CDYL: variants seen among roughly 807,000 people sequenced by gnomAD.
The protein encoded by CDYL is chromodomain Y like, also known as chromodomain Y-like protein.
CDYL carries 8 observed loss-of-function variants against 47.3 expected under a neutral mutation model. That is an observed-to-expected ratio of 0.17 (90% confidence interval 0.10 to 0.31). The LOEUF is 0.31. Among genes scored for constraint, CDYL ranks in the 10% least tolerant of loss-of-function variants. CDYL has a pLI of 1.00. For synonymous variants in CDYL, 266 were observed against 265.0 expected (o/e 1.00, Z -0.04); for missense variants, 471 against 701.4 (o/e 0.67, Z 3.71).
At chr6:4,769,595 G>C (rs1172599664) in intron 3 of CDYL, among the ~76,000 whole-genome samples, 2 of 152,116 alleles carry the variant, frequency 1.3e-5, no homozygotes, top group Non-Finnish European at 2.9e-5. Context: ...TGGCTACTTA[G>C]TTTTAAAATA....
chr6:4,758,801 G>C (rs879415550), intron 3 of CDYL, among the ~76,000 whole-genome samples: 1 of 151,964 alleles, frequency 6.6e-6, no homozygotes, highest in Non-Finnish European at 1.5e-5. Flanking sequence ...TTTTTGTACG[G>C]TTGAAACTAT....
At chr6:4,760,949 T>C (rs1490732336) in intron 3 of CDYL, among the ~76,000 whole-genome samples, 1 of 152,094 alleles carries the variant, frequency 6.6e-6, no homozygotes, top group Non-Finnish European at 1.5e-5. Flanking sequence ...TCCTATTCCT[T>C]GTAGTGGAAA....
intron 2 of CDYL, among the ~76,000 whole-genome samples, chr6:4,898,954 A>C (rs956507606): frequency 6.6e-6 from 1 of 152,176 alleles, no homozygotes; most frequent in Non-Finnish European, 1.5e-5. Flanking sequence ...TCTTGTGTAA[A>C]GCATGCTCGT....
intron 1 of CDYL, among the ~76,000 whole-genome samples, chr6:4,849,450 G>T (rs1760755971): frequency 6.6e-6 from 1 of 152,148 alleles, no homozygotes; most frequent in Non-Finnish European, 1.5e-5. Flanking sequence ...AGACACTAAG[G>T]TCACTACTGA....
intron 1 of CDYL, among the ~76,000 whole-genome samples, chr6:4,829,310 C>G (rs1760068398): frequency 6.6e-6 from 1 of 152,096 alleles, no homozygotes; most frequent in Non-Finnish European, 1.5e-5. Flanking sequence ...AGACTGTATT[C>G]CTTATTGTTT....
chr6:4,747,980 A>G (rs1263018851), intron 3 of CDYL, among the ~76,000 whole-genome samples: 1 of 152,234 alleles, frequency 6.6e-6, no homozygotes, highest in Non-Finnish European at 1.5e-5. Context: ...CCTGTGCCTT[A>G]ACACAATGCT....
At chr6:4,904,726 A>T (rs192196532) in intron 2 of CDYL, among the ~76,000 whole-genome samples, 50 of 152,196 alleles carry the variant, frequency 3.3e-4, no homozygotes, top group African/African-American at 1.1e-3. Context: ...CTGCAGTTTA[A>T]GTTCTTATTT....
intron 2 of CDYL, among the ~76,000 whole-genome samples, chr6:4,918,220 G>A (rs887099696): frequency 1.3e-4 from 17 of 132,568 alleles, no homozygotes; most frequent in Non-Finnish European, 1.6e-5. Context: ...TTGAAGATGT[G>A]ATCAATAATA....
At chr6:4,746,463 G>C (rs964424841) in intron 3 of CDYL, among the ~76,000 whole-genome samples, 1 of 152,056 alleles carries the variant, frequency 6.6e-6, no homozygotes, top group Non-Finnish European at 1.5e-5. Flanking sequence ...GTAATGCAGT[G>C]ATGAAATGGT....
intron 2 of CDYL, among the ~76,000 whole-genome samples, chr6:4,725,048 A>G (rs897002872): frequency 2.0e-5 from 3 of 152,160 alleles, no homozygotes; most frequent in Non-Finnish European, 4.4e-5. Context: ...TGAGCTGGAC[A>G]CAAAAGTTCT....
chr6:4,915,344 T>G (rs1757526811), intron 2 of CDYL, among the ~76,000 whole-genome samples: 1 of 152,234 alleles, frequency 6.6e-6, no homozygotes, highest in African/African-American at 2.4e-5. Context: ...AGGGTTGTTT[T>G]GGGTGTTTGA....
At chr6:4,908,854 C>T (rs1416137944) in intron 2 of CDYL, among the ~76,000 whole-genome samples, 1 of 152,230 alleles carries the variant, frequency 6.6e-6, no homozygotes, top group Non-Finnish European at 1.5e-5. Flanking sequence ...CACTTCCTCA[C>T]TGGAGGTCAC....
chr6:4,852,055 A>G (rs1246296779), intron 1 of CDYL, among the ~76,000 whole-genome samples: 1 of 152,082 alleles, frequency 6.6e-6, no homozygotes, highest in Non-Finnish European at 1.5e-5. Flanking sequence ...CTGTAAAGCG[A>G]TGGCTTCCCC....
At chr6:4,930,815 T>C (rs762432698) in intron 2 of CDYL, among the ~76,000 whole-genome samples, 7 of 152,246 alleles carry the variant, frequency 4.6e-5, no homozygotes, top group South Asian at 2.1e-4. Flanking sequence ...TCGAATGTTA[T>C]GTTAATAAAT....
chr6:4,748,656 GAC>G (rs111349102), intron 3 of CDYL, among the ~76,000 whole-genome samples: 30 of 146,136 alleles, frequency 2.1e-4, no homozygotes, highest in Non-Finnish European at 2.8e-4. Context: ...TGATGGCAAA[GAC>G]ACACACACAC....
In CDYL at chr6:4,776,813, T is replaced by TGCCCCCC; in HGVS notation, c.24+6_24+7insGCCCCCC. On this transcript the variant is annotated splice_region_variant and intron_variant, in intron 1 of 6. Transcript: ENST00000397588. ...CTTCCGAGGAGCTGTACGAGGTACC[T>TGCCCCCC]CCCCTCCCCCCGGCCTCGGGCCGCC... 9.9e-7 allele frequency: 1 copy of TGCCCCCC among 1,012,638 alleles called. No homozygotes were observed. The highest frequency in any genetic ancestry group is 1.2e-6 in the Non-Finnish European group (1 of 842,620). 62.7% of individuals were successfully genotyped at this position (1,012,638 alleles called of 1,614,324 possible). A position where few individuals can be genotyped will look rare whatever the true frequency, so the allele number is the denominator to read the frequency against.
chr6:4,755,252 G>A (rs1302418503), intron 3 of CDYL, among the ~76,000 whole-genome samples: 2 of 148,662 alleles, frequency 1.3e-5, no homozygotes, highest in South Asian at 2.1e-4. Flanking sequence ...TGTATTTTTA[G>A]TTGAGACGGG....
chr6:4,835,785 G>A (rs1055007104), intron 1 of CDYL, among the ~76,000 whole-genome samples: 4 of 152,166 alleles, frequency 2.6e-5, no homozygotes, highest in East Asian at 1.9e-4. Flanking sequence ...GGCACTGGCC[G>A]GCGTCCCTCT....
At chr6:4,822,012 C>G (rs1457386970) in intron 1 of CDYL, among the ~76,000 whole-genome samples, 2 of 152,042 alleles carry the variant, frequency 1.3e-5, no homozygotes, top group African/African-American at 4.8e-5. Context: ...GCTCTGTCAC[C>G]TAGGCTGGAG....
Sources: gnomAD v4.1 joint callset for allele counts (sites outside exome capture counted in the v4.1 genomes callset) on GRCh38, gnomAD v4.1.1 for gene constraint, MANE v1.5 for transcripts, NCBI Gene and HGNC (gene_info 2026-07-23, HGNC 2026-07-21) for gene names.